The following CDH18 variants were observed in gnomAD, a reference collection of about 807,000 sequenced individuals.
CDH18 encodes cadherin 18.
Under a neutral mutation model 67.9 loss-of-function variants are expected in CDH18, and 31 were observed. The observed-to-expected ratio is 0.46, with a 90% CI of 0.34 to 0.62. CDH18 has a LOEUF of 0.62. Among genes scored for constraint, CDH18 ranks in the 20% least tolerant of loss-of-function variants. CDH18 has a pLI of 0.01. For missense variants in CDH18, 890 were observed against 975.5 expected, an observed-to-expected ratio of 0.91 and a Z score of 1.17; for synonymous variants, 362 against 347.2, an observed-to-expected ratio of 1.04 and a Z score of -0.48.
At chr5:19,713,008 T>C (rs1764904526) in intron 5 of CDH18, among the ~76,000 whole-genome samples, 1 of 151,942 alleles carries the variant, frequency 6.6e-6, no homozygotes, top group South Asian at 2.1e-4. Flanking sequence ...AATCGCAATG[T>C]TTCCTGTTAT....
At chr5:19,846,275 TA>T (rs1046633460) in intron 2 of CDH18, among the ~76,000 whole-genome samples, 2 of 152,128 alleles carry the variant, frequency 1.3e-5, no homozygotes, top group Admixed American at 1.3e-4. Context: ...CAATTAAATA[TA>T]AAAACTCTAC....
intron 2 of CDH18, among the ~76,000 whole-genome samples, chr5:20,216,512 T>C (rs1034693477): frequency 1.3e-5 from 2 of 151,952 alleles, no homozygotes; most frequent in Non-Finnish European, 2.9e-5. Flanking sequence ...GAACTCAGGA[T>C]AGATTTCAAC....
At chr5:19,547,795 C>T (rs971564964) in intron 8 of CDH18, among the ~76,000 whole-genome samples, 7 of 152,020 alleles carry the variant, frequency 4.6e-5, no homozygotes, top group Non-Finnish European at 1.0e-4. Flanking sequence ...AGATTGTGGG[C>T]GATGCTTGGA....
At chr5:19,766,682 C>T (rs1222921956) in intron 3 of CDH18, among the ~76,000 whole-genome samples, 1 of 152,160 alleles carries the variant, frequency 6.6e-6, no homozygotes, top group Non-Finnish European at 1.5e-5. Flanking sequence ...GGCTCATTCA[C>T]TCTGAATTTC....
intron 1 of CDH18, among the ~76,000 whole-genome samples, chr5:20,389,662 A>G (rs1744661202): frequency 6.6e-6 from 1 of 152,282 alleles, no homozygotes; most frequent in South Asian, 2.1e-4. Context: ...GGAACCAAAA[A>G]AGAGCCCGCA....
intron 2 of CDH18, among the ~76,000 whole-genome samples, chr5:20,244,771 TTGTAA>T (rs1445772870): frequency 1.3e-5 from 2 of 152,132 alleles, no homozygotes; most frequent in Non-Finnish European, 2.9e-5. Flanking sequence ...ATGTTGTTGC[TTGTAA>T]TGTCTTTTCC....
intron 2 of CDH18, among the ~76,000 whole-genome samples, chr5:20,234,767 G>A (rs1742345944): frequency 6.6e-6 from 1 of 152,106 alleles, no homozygotes; most frequent in Non-Finnish European, 1.5e-5. Flanking sequence ...AGGCTATTGT[G>A]TATATAATTT....
intron 1 of CDH18, among the ~76,000 whole-genome samples, chr5:20,543,016 G>A (rs1451612270): frequency 6.6e-6 from 1 of 151,832 alleles, no homozygotes; most frequent in Non-Finnish European, 1.5e-5. Flanking sequence ...GCGTTTCATG[G>A]CTAAATAAGG....
intron 3 of CDH18, among the ~76,000 whole-genome samples, chr5:19,809,091 A>G (rs1778362230): frequency 6.6e-6 from 1 of 152,176 alleles, no homozygotes; most frequent in Non-Finnish European, 1.5e-5. Flanking sequence ...GTGGCCATAA[A>G]AATGGCAGAC....
At position 20,426,844 on chromosome 5, in the gene CDH18, A is replaced by G. The variant is rs561251378; in HGVS notation, c.-580+148618T>C. 2.0e-5 allele frequency among the ~76,000 whole-genome samples: 3 copies of G among 151,380 alleles called. No homozygotes were observed. The South Asian group carries it at 6.2e-4, about 31-fold the overall frequency. ...GAAAGATAGGTTGCAAACAATTTGC[A>G]GGGCTGACAAGGGTATGGCTTCTGT... On this transcript the variant is annotated intron_variant, in intron 1 of 14. Transcript: ENST00000507958.
At chr5:20,067,797 TTAGG>T (rs1200657586) in intron 2 of CDH18, among the ~76,000 whole-genome samples, 2 of 152,110 alleles carry the variant, frequency 1.3e-5, no homozygotes, top group Admixed American at 6.5e-5. Flanking sequence ...TCTGTATATA[TTAGG>T]TAGTTCATTC....
chr5:19,563,904 T>C (rs1185257209), intron 8 of CDH18, among the ~76,000 whole-genome samples: 1 of 152,186 alleles, frequency 6.6e-6, no homozygotes, highest in Non-Finnish European at 1.5e-5. Context: ...AGAGAGAATC[T>C]GTGCACTTTG....
chr5:20,301,790 T>TTTTC (rs1735947679), intron 1 of CDH18, among the ~76,000 whole-genome samples: 1 of 1,078 alleles, frequency 9.3e-4, no homozygotes, highest in Non-Finnish European at 8.2e-3. Flanking sequence ...TTCTTTTTTC[T>TTTTC]TTTTTTTTTT....
At chr5:20,495,600 A>G (rs1033594467) in intron 1 of CDH18, among the ~76,000 whole-genome samples, 1 of 152,166 alleles carries the variant, frequency 6.6e-6, no homozygotes, top group Non-Finnish European at 1.5e-5. Context: ...GCATCTACCT[A>G]CAGAAACAGG....
intron 2 of CDH18, among the ~76,000 whole-genome samples, chr5:20,102,636 T>G (rs1437226508): frequency 2.0e-5 from 3 of 152,172 alleles, no homozygotes; most frequent in Non-Finnish European, 2.9e-5. Context: ...TTCATTTCAC[T>G]TCATCAACCA....
intron 4 of CDH18, among the ~76,000 whole-genome samples, chr5:19,746,230 T>A (rs188702360): frequency 3.6e-4 from 55 of 152,248 alleles, no homozygotes; most frequent in Admixed American, 1.3e-3. Flanking sequence ...CCCCAGATCA[T>A]TAGGGTGGCT....
At chr5:19,815,296 C>G (rs1779168031) in intron 3 of CDH18, among the ~76,000 whole-genome samples, 1 of 151,842 alleles carries the variant, frequency 6.6e-6, no homozygotes, top group South Asian at 2.1e-4. Context: ...GTATAAGATT[C>G]AGATGTCACG....
chr5:19,871,288 C>T (rs769025414), intron 2 of CDH18, among the ~76,000 whole-genome samples: 1 of 152,166 alleles, frequency 6.6e-6, no homozygotes, highest in Non-Finnish European at 1.5e-5. Flanking sequence ...ATTAAAATAG[C>T]AAATAAAAAG....
chr5:20,448,330 A>G (rs562344378), intron 1 of CDH18, among the ~76,000 whole-genome samples: 1 of 152,092 alleles, frequency 6.6e-6, no homozygotes, highest in African/African-American at 2.4e-5. Context: ...TATGACAATG[A>G]ACATTTATCA....
Sources: allele counts gnomAD v4.1 joint callset (sites outside exome capture counted in the v4.1 genomes callset), GRCh38; gene constraint gnomAD v4.1.1; transcripts MANE v1.5; gene names NCBI Gene and HGNC (gene_info 2026-07-23, HGNC 2026-07-21).